Variants in ADH4 observed in about 807,000 individuals in gnomAD.
ADH4 encodes alcohol dehydrogenase 4 (class II), pi polypeptide.
A neutral mutation model predicts 35.2 loss-of-function variants in ADH4; 31 were observed. The ratio of observed to expected loss-of-function variants is 0.88; its 90% CI spans 0.66 to 1.19. The LOEUF is 1.19. Ranked by LOEUF, ADH4 falls within the 50% of genes most tolerant of loss-of-function variation. The pLI is 0.00. For synonymous variants in ADH4, 171 were observed against 160.2 expected, an observed-to-expected ratio of 1.07 and a Z score of -0.51; for missense variants, 476 against 458.3, an observed-to-expected ratio of 1.04 and a Z score of -0.35.
chr4:99,125,679 G>T (rs182882839), intron 8 of ADH4, among the ~76,000 whole-genome samples: 19 of 152,258 alleles, frequency 1.2e-4, no homozygotes, highest in Admixed American at 2.6e-4. Context: ...CTGATATGTT[G>T]TGACTGACAC....
At chr4:99,127,450 G>GTAAGA in intron 6 of ADH4, 106 bp from the exon 7 acceptor site, 2 of 833,348 alleles carry the variant, frequency 2.4e-6, no homozygotes, top group Non-Finnish European at 3.6e-6. Context: ...AACTCTGCAT[G>GTAAGA]TAAGATAATG....
At chr4:99,138,748 T>C (rs1052923355) in intron 4 of ADH4, among the ~76,000 whole-genome samples, 4 of 152,212 alleles carry the variant, frequency 2.6e-5, no homozygotes, top group Admixed American at 2.0e-4. Flanking sequence ...TGTTAATACA[T>C]GCAGCTCAAG....
In ADH4 at chr4:99,142,735, G is replaced by A. The variant is rs768655628; in HGVS notation, c.64C>T (p.Leu22Phe). 1 of 1,606,374 alleles carries A rather than the reference G, an allele frequency of 6.2e-7. No homozygotes were observed. Among genetic ancestry groups the A allele is most frequent in the Non-Finnish European group, 8.5e-7 (1 of 1,177,422 alleles). The change falls in exon 2 of 9, where the codon CTT (leucine) becomes TTT (phenylalanine). Residue 22 changes from leucine to phenylalanine, a missense_variant. Coordinates refer to ENST00000265512, the MANE Select transcript of ADH4 (RefSeq NM_000670.5). ...GCTACTTCAACCTCTTCAATGCAAA[G>A]GGGCTTGCCTGCTTCCCAGGCGATG... The part of the protein sequence containing the change: ...AAIAWEAGKP[L>F]CIEEVEVAPP...
intron 5 of ADH4, among the ~76,000 whole-genome samples, chr4:99,132,720 A>G (rs1729325959): frequency 6.6e-6 from 1 of 152,220 alleles, no homozygotes; most frequent in African/African-American, 2.4e-5. Flanking sequence ...TTATAGCGAT[A>G]GAAAAATACT....
In ADH4 at chr4:99,126,744, A is replaced by T; in HGVS notation, c.980-12T>A. The T allele has an allele frequency of 1.3e-6, 2 of 1,579,094 alleles. 1 individual carries two copies. Among genetic ancestry groups the T allele is most frequent in the South Asian group, 2.3e-5 (2 of 86,546 alleles). On this transcript the variant is annotated splice_polypyrimidine_tract_variant and intron_variant, in intron 7 of 8. Coordinates refer to ENST00000265512, the MANE Select transcript of ADH4 (RefSeq NM_000670.5). ...TACACTTTTCCAACCTGTAATGTGGACAAAATGCAAAATAAAGACATGGCA... is the reference window on the plus strand; with the variant it reads ...TACACTTTTCCAACCTGTAATGTGGTCAAAATGCAAAATAAAGACATGGCA...
At position 99,139,084 on chromosome 4, in the gene ADH4, G is replaced by T. The variant is rs750207106; in HGVS notation, c.327C>A (p.Leu109=). 2 of 1,612,924 alleles carry T rather than the reference G, an allele frequency of 1.2e-6. No homozygotes were observed. The highest frequency in any genetic ancestry group is 2.2e-5 in the South Asian group (2 of 90,956). Residue 109 remains leucine, a synonymous_variant, in exon 4 of 9, where the codon CTC becomes CTA. Coordinates refer to ENST00000265512, the MANE Select transcript of ADH4 (RefSeq NM_000670.5). The part of the protein sequence containing the change: ...CRKCKFCLSP[L]TNLCGKISNL... ...ACCTGATTTTCCCACACAAATTTGT[G>T]AGTGGACTCAGACAAAACTTGCATT...
chr4:99,131,713 A>G lies in ADH4; in HGVS notation c.634T>C (p.Ser212Pro). 1 of 1,614,184 alleles carries G rather than the reference A, an allele frequency of 6.2e-7. No individual in the cohort carries two copies. The highest frequency in any genetic ancestry group is 8.5e-7 in the Non-Finnish European group (1 of 1,180,006). Residue 212 changes from serine to proline, a missense_variant, in exon 6 of 9, where the codon TCT becomes CCT. Transcript: ENST00000265512. ...GCTGCTTTACAACCCATTACAGCAG[A>G]AAGACCCACACCTCCTAGGCCAAAG... ...AVFGLGGVGL[S>P]AVMGCKAAGA...
In ADH4 at chr4:99,131,693, T is replaced by C; in HGVS notation, c.654A>G (p.Lys218=). 6.2e-7 allele frequency: 1 copy of C among 1,614,136 alleles called. No individual in the cohort carries two copies. The highest frequency in any genetic ancestry group is 8.5e-7 in the Non-Finnish European group (1 of 1,180,012). Residue 218 remains lysine, a synonymous_variant, in exon 6 of 9, where the codon AAA becomes AAG. Coordinates refer to ENST00000265512, the MANE Select transcript of ADH4 (RefSeq NM_000670.5). ...CTATGATTCTGGAAGCTCCTGCTGC[T>C]TTACAACCCATTACAGCAGAAAGAC... is the stretch of plus-strand genomic sequence containing the variant. ...GVGLSAVMGC[K]AAGASRIIGI... is the part of the protein sequence containing the mutation.
chr4:99,142,818 T>C, intron 1 of ADH4, 38 bp from the exon 2 acceptor site: 1 of 1,515,386 alleles, frequency 6.6e-7, no homozygotes, highest in Non-Finnish European at 8.9e-7. Flanking sequence ...GAGATAGAGA[T>C]AGAGATTTTG....
chr4:99,136,754 A>T (rs1729448207), intron 4 of ADH4, 57 bp from the exon 5 acceptor site: 1 of 1,097,058 alleles, frequency 9.1e-7, no homozygotes, highest in South Asian at 1.5e-5. Context: ...TAAATGGAAC[A>T]CTGATCATTT....
intron 6 of ADH4, among the ~76,000 whole-genome samples, chr4:99,129,672 C>T (rs1289689865): frequency 3.3e-5 from 5 of 152,134 alleles, no homozygotes; most frequent in African/African-American, 9.7e-5. Context: ...TTAGCTTTTT[C>T]ATCAGCTATT....
intron 5 of ADH4, among the ~76,000 whole-genome samples, chr4:99,132,177 C>G (rs1181398181): frequency 6.6e-6 from 1 of 152,138 alleles, no homozygotes; most frequent in African/African-American, 2.4e-5. Flanking sequence ...TTGATCACTC[C>G]AAATCACCAG....
At chr4:99,125,058 AAGG>A (rs779101394) in intron 8 of ADH4, among the ~76,000 whole-genome samples, 14 of 152,190 alleles carry the variant, frequency 9.2e-5, no homozygotes, top group Non-Finnish European at 1.8e-4. Flanking sequence ...CTACCTGTAG[AAGG>A]AGAATCTCTG....
At chr4:99,131,870 G>C in intron 5 of ADH4, 106 bp from the exon 6 acceptor site, 1 of 1,260,514 alleles carries the variant, frequency 7.9e-7, no homozygotes, top group Non-Finnish European at 1.1e-6. Flanking sequence ...ATTAAAGACA[G>C]CCTGCTATTA....
chr4:99,144,076 G>T, intron 1 of ADH4, 129 bp downstream of exon 1: 1 of 983,338 alleles, frequency 1.0e-6, no homozygotes, highest in Non-Finnish European at 1.6e-6. Context: ...CTGGCATAGG[G>T]GTCACTCATA....
Position 99,139,059 on chromosome 4 carries a change from A to G in ADH4, c.350+2T>C, listed in dbSNP as rs770515746. ...CTAATACTAACAGTGTAGAGTGCTTACCTGATTTTCCCACACAAATTTGTG... is the reference window on the plus strand; with the variant it reads ...CTAATACTAACAGTGTAGAGTGCTTGCCTGATTTTCCCACACAAATTTGTG... On this transcript the variant is annotated splice_donor_variant, in intron 4 of 8. Transcript: ENST00000265512. LOFTEE classifies it high-confidence loss of function. 1 of 1,607,496 alleles carries G rather than the reference A, an allele frequency of 6.2e-7. No individual in the cohort carries two copies. The highest frequency in any genetic ancestry group is 2.2e-5 in the East Asian group (1 of 44,780).
intron 1 of ADH4, chr4:99,143,417 G>T (rs2110507645): frequency 2.5e-6 from 1 of 399,534 alleles, no homozygotes; most frequent in Non-Finnish European, 4.5e-6. Context: ...TCATCTAATT[G>T]TAAGAATTTG....
intron 5 of ADH4, among the ~76,000 whole-genome samples, chr4:99,136,025 G>A (rs1346231399): frequency 6.6e-6 from 1 of 152,176 alleles, no homozygotes; most frequent in Non-Finnish European, 1.5e-5. Flanking sequence ...TACTACTGAT[G>A]GAGGGAGATA....
chr4:99,141,998 C>T (rs1049570837), intron 2 of ADH4, among the ~76,000 whole-genome samples: 5 of 152,072 alleles, frequency 3.3e-5, no homozygotes, highest in Admixed American at 1.3e-4. Context: ...AGGTAATACA[C>T]CTTTTACAGT....
Sources: allele counts gnomAD v4.1 joint callset (sites outside exome capture counted in the v4.1 genomes callset), GRCh38; gene constraint gnomAD v4.1.1; transcripts MANE v1.5; gene names NCBI Gene and HGNC (gene_info 2026-07-23, HGNC 2026-07-21).